Variants in GSE1 observed in about 807,000 individuals in gnomAD.
The protein encoded by GSE1 is Gse1 coiled-coil protein, also known as genetic suppressor element 1.
A neutral mutation model predicts 112.6 loss-of-function variants in GSE1; 32 were observed. The observed-to-expected ratio is 0.28, with a 90% CI of 0.21 to 0.38. The LOEUF is 0.38. Ranked by LOEUF, GSE1 falls within the 10% of genes least tolerant of loss-of-function variation. The pLI is 1.00. For missense variants in GSE1, 2,348 were observed against 1,699.2 expected (o/e 1.38, Z -6.71); for synonymous variants, 1,115 against 735.6 (o/e 1.52, Z -8.35).
At chr16:85,493,529 G>A (rs532424365) in intron 2 of GSE1, among the ~76,000 whole-genome samples, 26 of 152,166 alleles carry the variant, frequency 1.7e-4, no homozygotes, top group Admixed American at 7.2e-4. Flanking sequence ...CGAGGCAGGC[G>A]GATCTCCTGA....
intron 1 of GSE1, among the ~76,000 whole-genome samples, chr16:85,253,082 C>CCCCCCCCA (rs1906686834): frequency 8.1e-6 from 1 of 122,778 alleles, no homozygotes; most frequent in African/African-American, 3.1e-5. Flanking sequence ...CCCCCCCCCC[C>CCCCCCCCA]ACCAGCAGGC....
intron 2 of GSE1, among the ~76,000 whole-genome samples, chr16:85,482,421 T>A (rs1173107764): frequency 1.3e-5 from 2 of 152,144 alleles, no homozygotes; most frequent in Non-Finnish European, 1.5e-5. Context: ...GTGGTCTGGA[T>A]TCAGACCCCC....
chr16:85,233,631 T>C (rs1335274682), intron 1 of GSE1, among the ~76,000 whole-genome samples: 1 of 151,982 alleles, frequency 6.6e-6, no homozygotes, highest in African/African-American at 2.4e-5. Context: ...TGTGTGTGCA[T>C]GTGGTGTGTG....
intron 2 of GSE1, among the ~76,000 whole-genome samples, chr16:85,643,722 C>T (rs532644494): frequency 6.6e-6 from 1 of 152,304 alleles, no homozygotes; most frequent in South Asian, 2.1e-4. Context: ...AGAGAAGTCT[C>T]TGAGGTTCCT....
At chr16:85,234,342 C>T (rs1447763545) in intron 1 of GSE1, among the ~76,000 whole-genome samples, 1 of 152,164 alleles carries the variant, frequency 6.6e-6, no homozygotes, top group Non-Finnish European at 1.5e-5. Context: ...CCATCTTGGT[C>T]TTGGTCTGTA....
At chr16:85,272,905 T>C (rs763100512) in intron 1 of GSE1, among the ~76,000 whole-genome samples, 1 of 151,954 alleles carries the variant, frequency 6.6e-6, no homozygotes, top group Non-Finnish European at 1.5e-5. Context: ...GCCTCCCGAG[T>C]AGCTGGGATT....
chr16:85,336,765 C>A (rs2046495868), intron 1 of GSE1, among the ~76,000 whole-genome samples: 1 of 152,172 alleles, frequency 6.6e-6, no homozygotes, highest in Non-Finnish European at 1.5e-5. Flanking sequence ...CCACGCCCAG[C>A]CTTGCCCTCA....
At chr16:85,321,355 T>G (rs2046103494) in intron 1 of GSE1, among the ~76,000 whole-genome samples, 1 of 152,212 alleles carries the variant, frequency 6.6e-6, no homozygotes, top group Non-Finnish European at 1.5e-5. Flanking sequence ...CTCCATGGTT[T>G]CTCCCCTCTT....
chr16:85,227,986 G>A (rs946080527), intron 1 of GSE1, among the ~76,000 whole-genome samples: 1 of 152,208 alleles, frequency 6.6e-6, no homozygotes, highest in African/African-American at 2.4e-5. Flanking sequence ...TCAGGAGGGG[G>A]TGTGGTGGGG....
intron 1 of GSE1, among the ~76,000 whole-genome samples, chr16:85,572,491 A>T (rs1250501729): frequency 6.8e-6 from 1 of 147,820 alleles, no homozygotes; most frequent in Non-Finnish European, 1.5e-5. Flanking sequence ...CCACATGCAC[A>T]CAACCACATA....
At chr16:85,379,942 C>T (rs905121873) in intron 2 of GSE1, among the ~76,000 whole-genome samples, 1 of 152,260 alleles carries the variant, frequency 6.6e-6, no homozygotes, top group African/African-American at 2.4e-5. Flanking sequence ...CCCCAGACAA[C>T]ATCTACCAAG....
At chr16:85,587,956 G>A (rs907571200) in intron 1 of GSE1, among the ~76,000 whole-genome samples, 23 of 152,204 alleles carry the variant, frequency 1.5e-4, no homozygotes, top group Non-Finnish European at 1.5e-5. Context: ...TAAATGTAAC[G>A]TCACCCCTGT....
intron 1 of GSE1, among the ~76,000 whole-genome samples, chr16:85,245,494 G>A (rs1261436245): frequency 2.6e-5 from 4 of 152,112 alleles, no homozygotes; most frequent in Admixed American, 6.5e-5. Flanking sequence ...TCATTGTCCC[G>A]TCATCCTTGG....
intron 2 of GSE1, among the ~76,000 whole-genome samples, chr16:85,399,349 G>C (rs939815378): frequency 1.3e-5 from 2 of 152,100 alleles, no homozygotes; most frequent in Admixed American, 6.5e-5. Flanking sequence ...GTGGGCTTCC[G>C]GGGGGGTTCA....
At chr16:85,650,757 A>G (rs1312295708) in intron 3 of GSE1, among the ~76,000 whole-genome samples, 1 of 152,042 alleles carries the variant, frequency 6.6e-6, no homozygotes, top group Non-Finnish European at 1.5e-5. Flanking sequence ...CGGGGCATTT[A>G]ATCCTCTCGG....
At chr16:85,633,626 A>T (rs1054358725) in intron 1 of GSE1, among the ~76,000 whole-genome samples, 17 of 152,178 alleles carry the variant, frequency 1.1e-4, no homozygotes, top group African/African-American at 3.6e-4. Context: ...CGACCTGCCC[A>T]GCCTGGACTG....
intron 2 of GSE1, among the ~76,000 whole-genome samples, chr16:85,506,715 C>A (rs1016406962): frequency 1.3e-5 from 2 of 151,886 alleles, no homozygotes; most frequent in African/African-American, 4.8e-5. Flanking sequence ...CTGCTAACGT[C>A]GATTAGCCCT....
At chr16:85,267,697 T>G (rs915981424) in intron 1 of GSE1, among the ~76,000 whole-genome samples, 4 of 152,216 alleles carry the variant, frequency 2.6e-5, no homozygotes, top group African/African-American at 9.6e-5. Flanking sequence ...AAGCTTTCCC[T>G]GACCCCTGGG....
At chr16:85,309,687 C>T (rs2045780084) in intron 1 of GSE1, among the ~76,000 whole-genome samples, 1 of 152,224 alleles carries the variant, frequency 6.6e-6, no homozygotes, top group African/African-American at 2.4e-5. Context: ...CCATTTGGGG[C>T]TAATGATCCA....
Sources: gnomAD v4.1 joint callset for allele counts (sites outside exome capture counted in the v4.1 genomes callset) on GRCh38, gnomAD v4.1.1 for gene constraint, MANE v1.5 for transcripts, NCBI Gene and HGNC (gene_info 2026-07-23, HGNC 2026-07-21) for gene names.